ATRNL1: variants seen among roughly 807,000 people sequenced by gnomAD.
ATRNL1 encodes attractin-like protein 1.
Under a neutral mutation model 182.7 loss-of-function variants are expected in ATRNL1, and 95 were observed. The observed-to-expected ratio is 0.52, with a 90% confidence interval of 0.44 to 0.62. ATRNL1 has a LOEUF of 0.62. Ranked by LOEUF, ATRNL1 falls within the 20% of genes least tolerant of loss-of-function variation. The pLI, the probability that ATRNL1 is intolerant of heterozygous loss-of-function variation, is 0.00. For missense variants in ATRNL1, 1,471 were observed against 1,679.5 expected, an observed-to-expected ratio of 0.88 and a Z score of 2.17; for synonymous variants, 576 against 568.3, an observed-to-expected ratio of 1.01 and a Z score of -0.19.
At chr10:115,804,619 G>GC (rs1949876533) in intron 27 of ATRNL1, among the ~76,000 whole-genome samples, 1 of 152,094 alleles carries the variant, frequency 6.6e-6, no homozygotes, top group South Asian at 2.1e-4. Flanking sequence ...TGTTTAAGCC[G>GC]CCCAGTTTAT....
chr10:115,366,878 C>A (rs1554946134), intron 19 of ATRNL1, among the ~76,000 whole-genome samples: 1 of 142,440 alleles, frequency 7.0e-6, no homozygotes, highest in Non-Finnish European at 1.5e-5. Context: ...GGGTTTCTGC[C>A]GAGAGATCCA....
At position 115,251,582 on chromosome 10, in the gene ATRNL1, G is replaced by T. The variant is rs547240646; in HGVS notation, c.1687+9857G>T. 8.5e-5 allele frequency among the ~76,000 whole-genome samples: 13 copies of T among 152,218 alleles called. No homozygotes were observed. The East Asian group carries it at 2.5e-3, about 29-fold the overall frequency. On this transcript the variant is annotated intron_variant, in intron 10 of 28. Transcript: ENST00000355044. ...AGCCACGAAATTCTTAGTGATGCTA[G>T]TGTCTCTCCCACCATCATATTCTTC... is the stretch of plus-strand genomic sequence containing the variant.
At chr10:115,754,165 T>C (rs1948524098) in intron 27 of ATRNL1, among the ~76,000 whole-genome samples, 1 of 152,234 alleles carries the variant, frequency 6.6e-6, no homozygotes, top group South Asian at 2.1e-4. Context: ...CTGCAGAAGC[T>C]CTTTAGTATA....
chr10:115,908,921 G>A (rs1382147234), intron 28 of ATRNL1, among the ~76,000 whole-genome samples: 2 of 152,264 alleles, frequency 1.3e-5, no homozygotes, highest in Admixed American at 1.3e-4. Flanking sequence ...AATGCCCTGT[G>A]CAGTAGACCC....
At chr10:115,255,584 C>A (rs1851087856) in intron 10 of ATRNL1, among the ~76,000 whole-genome samples, 1 of 152,182 alleles carries the variant, frequency 6.6e-6, no homozygotes, top group African/African-American at 2.4e-5. Context: ...CATCTGCAAA[C>A]AGGGACAATT....
intron 26 of ATRNL1, among the ~76,000 whole-genome samples, chr10:115,706,421 C>G (rs1252704417): frequency 7.2e-5 from 11 of 151,846 alleles, no homozygotes; most frequent in Non-Finnish European, 1.5e-5. Flanking sequence ...TGCAAAGTCT[C>G]TTTTGCCATA....
At chr10:115,465,053 A>T (rs113057840) in intron 22 of ATRNL1, among the ~76,000 whole-genome samples, 2,990 of 151,864 alleles carry the variant, frequency 0.02, 67 homozygotes, top group East Asian at 0.13. Flanking sequence ...TGAGGGAAGT[A>T]ATTACATCCC....
chr10:115,145,440 G>C (rs1462592518), intron 5 of ATRNL1, among the ~76,000 whole-genome samples: 2 of 152,032 alleles, frequency 1.3e-5, no homozygotes, highest in Non-Finnish European at 2.9e-5. Flanking sequence ...TAAGAGCCAA[G>C]TATTCTTGGA....
intron 27 of ATRNL1, among the ~76,000 whole-genome samples, chr10:115,840,072 C>T (rs1427666640): frequency 6.6e-6 from 1 of 152,120 alleles, no homozygotes; most frequent in African/African-American, 2.4e-5. Context: ...ATGCCTCAGT[C>T]TTAGGTGCCA....
At chr10:115,833,766 T>C (rs1418826935) in intron 27 of ATRNL1, among the ~76,000 whole-genome samples, 4 of 152,176 alleles carry the variant, frequency 2.6e-5, no homozygotes, top group Non-Finnish European at 5.9e-5. Context: ...TAGGCAATAA[T>C]GTACCAGAGC....
At chr10:115,777,267 G>A (rs954818690) in intron 27 of ATRNL1, among the ~76,000 whole-genome samples, 1 of 152,010 alleles carries the variant, frequency 6.6e-6, no homozygotes, top group African/African-American at 2.4e-5. Flanking sequence ...CATTCAAAAA[G>A]TACAAGGATT....
intron 27 of ATRNL1, among the ~76,000 whole-genome samples, chr10:115,829,705 G>A (rs1306094844): frequency 6.6e-6 from 1 of 151,732 alleles, no homozygotes; most frequent in African/African-American, 2.4e-5. Context: ...CAAAATCAAG[G>A]GATTTTCTTT....
chr10:115,154,426 A>G (rs1418498169), intron 5 of ATRNL1, among the ~76,000 whole-genome samples: 2 of 152,114 alleles, frequency 1.3e-5, no homozygotes, highest in Admixed American at 6.5e-5. Flanking sequence ...TAGGATAGTT[A>G]GCTCTTCTTG....
chr10:115,335,808 A>G (rs1855454009), intron 19 of ATRNL1, among the ~76,000 whole-genome samples: 1 of 152,126 alleles, frequency 6.6e-6, no homozygotes, highest in Non-Finnish European at 1.5e-5. Context: ...GTGCATGGCA[A>G]ATATAAATTT....
At chr10:115,248,162 A>C (rs1554904545) in intron 10 of ATRNL1, among the ~76,000 whole-genome samples, 1 of 152,176 alleles carries the variant, frequency 6.6e-6, no homozygotes, top group Non-Finnish European at 1.5e-5. Context: ...AAATATCTAG[A>C]ATTAGGATAT....
intron 27 of ATRNL1, among the ~76,000 whole-genome samples, chr10:115,757,335 C>T (rs1593175758): frequency 6.6e-6 from 1 of 152,150 alleles, no homozygotes; most frequent in African/African-American, 2.4e-5. Flanking sequence ...CCTTCAGGAG[C>T]TCTTGTAAGG....
At chr10:115,766,194 G>GA (rs1187705503) in intron 27 of ATRNL1, among the ~76,000 whole-genome samples, 1 of 152,102 alleles carries the variant, frequency 6.6e-6, no homozygotes. Context: ...ATATCTACAG[G>GA]AAAAAATCAT....
chr10:115,465,263 T>G (rs895649919), intron 22 of ATRNL1, among the ~76,000 whole-genome samples: 4 of 151,674 alleles, frequency 2.6e-5, no homozygotes, highest in Non-Finnish European at 5.9e-5. Flanking sequence ...TATGATGACA[T>G]AAATCAACAT....
At chr10:115,505,014 T>G (rs1380090525) in intron 24 of ATRNL1, among the ~76,000 whole-genome samples, 1 of 152,062 alleles carries the variant, frequency 6.6e-6, no homozygotes, top group African/African-American at 2.4e-5. Flanking sequence ...AATTTGCATA[T>G]TAAAGGAGAC....
Sources: gnomAD v4.1 joint callset for allele counts (sites outside exome capture counted in the v4.1 genomes callset) on GRCh38, gnomAD v4.1.1 for gene constraint, MANE v1.5 for transcripts, NCBI Gene and HGNC (gene_info 2026-07-23, HGNC 2026-07-21) for gene names.